The following RUNX2 variants were observed in gnomAD, a reference collection of about 807,000 sequenced individuals.
RUNX2 encodes runt-related transcription factor 2.
In RUNX2, 10 loss-of-function variants were observed where a neutral mutation model predicts 51.7. The observed-to-expected ratio is 0.19, with a 90% confidence interval of 0.12 to 0.33. The LOEUF (loss-of-function observed/expected upper bound fraction) is 0.33, where lower values mean the gene tolerates loss of function less well. Ranked by LOEUF, RUNX2 falls within the 10% of genes least tolerant of loss-of-function variation. The pLI is 1.00. For synonymous variants in RUNX2, 276 were observed against 273.6 expected (o/e 1.01, Z -0.09); for missense variants, 562 against 691.3 (o/e 0.81, Z 2.10).
chr6:45,506,710 C>T (rs1487882356), intron 6 of RUNX2, among the ~76,000 whole-genome samples: 1 of 152,140 alleles, frequency 6.6e-6, no homozygotes, highest in African/African-American at 2.4e-5. Context: ...GGCTGGAGTA[C>T]AGTGGCGTGA....
At chr6:45,361,275 A>T (rs1794208268) in intron 2 of RUNX2, among the ~76,000 whole-genome samples, 1 of 152,172 alleles carries the variant, frequency 6.6e-6, no homozygotes, top group Non-Finnish European at 1.5e-5. Flanking sequence ...AGTAACATGT[A>T]AACAAGATTT....
Position 45,398,224 on chromosome 6 carries a change from T to C in RUNX2, c.59-24369T>C, listed in dbSNP as rs79771744. Among the ~76,000 whole-genome samples the C allele has an allele frequency of 3.3e-5, 5 of 152,320 alleles. 1 individual carries two copies. The East Asian group carries it at 9.6e-4, about 29-fold the overall frequency. On this transcript the variant is annotated intron_variant, in intron 2 of 8. Coordinates refer to ENST00000647337, the MANE Select transcript of RUNX2 (RefSeq NM_001024630.4). ...GGCCCCGGGTTCCTCACCTATTAAC[T>C]GTACTTGCTGCCTAGAGTTGTAGTG...
chr6:45,449,516 G>A (rs1799098008), intron 5 of RUNX2, among the ~76,000 whole-genome samples: 1 of 152,200 alleles, frequency 6.6e-6, no homozygotes, highest in African/African-American at 2.4e-5. Flanking sequence ...TATAGAGACA[G>A]GCAAGGATTC....
intron 2 of RUNX2, among the ~76,000 whole-genome samples, chr6:45,356,977 ACT>A (rs978334569): frequency 1.3e-5 from 2 of 151,484 alleles, no homozygotes; most frequent in Non-Finnish European, 2.9e-5. Context: ...ACTACTAACC[ACT>A]CTCTGATATA....
intron 2 of RUNX2, among the ~76,000 whole-genome samples, chr6:45,364,782 CT>C (rs1281054510): frequency 6.6e-6 from 1 of 152,094 alleles, no homozygotes; most frequent in Non-Finnish European, 1.5e-5. Context: ...TTAAATTAGG[CT>C]TACTGAATTA....
chr6:45,510,173 T>A (rs145693437), intron 6 of RUNX2, among the ~76,000 whole-genome samples: 3 of 152,344 alleles, frequency 2.0e-5, no homozygotes, highest in African/African-American at 7.2e-5. Flanking sequence ...TTTGAAATGT[T>A]GCCAATCTCT....
chr6:45,389,019 A>G (rs1053165124), intron 2 of RUNX2, among the ~76,000 whole-genome samples: 4 of 152,260 alleles, frequency 2.6e-5, no homozygotes, highest in Non-Finnish European at 5.9e-5. Flanking sequence ...GAAGGAATTT[A>G]TGAACTGAAT....
intron 7 of RUNX2, among the ~76,000 whole-genome samples, chr6:45,513,900 G>A (rs115813402): frequency 2.3e-3 from 353 of 152,322 alleles, no homozygotes; most frequent in African/African-American, 8.0e-3. Flanking sequence ...GAAGGCTGAT[G>A]CGGGATTAAA....
Position 45,357,004 on chromosome 6 carries a change from G to A in RUNX2, c.58+28220G>A, listed in dbSNP as rs925557918. Among the ~76,000 whole-genome samples the A allele has an allele frequency of 3.3e-5, 5 of 151,908 alleles. No homozygotes were observed. The South Asian group carries it at 8.3e-4, about 25-fold the overall frequency. ...TCTCTGATATATTTTTAGTAATGAA[G>A]AATCCATTTTTTTCTTTTCTGAGAC... On this transcript the variant is annotated intron_variant, in intron 2 of 8. Coordinates refer to ENST00000647337, the MANE Select transcript of RUNX2 (RefSeq NM_001024630.4).
At position 45,435,857 on chromosome 6, in the gene RUNX2, T is replaced by C. The variant is rs1294096665; in HGVS notation, c.581-2090T>C. On this transcript the variant is annotated intron_variant, in intron 4 of 8. Transcript: ENST00000647337. ...GCACTTTAAAATGTTTTAGTGTAAATTAACTTTCAATCTAGAGATTCAGCT... is the reference window on the plus strand; with the variant it reads ...GCACTTTAAAATGTTTTAGTGTAAACTAACTTTCAATCTAGAGATTCAGCT... Among the ~76,000 whole-genome samples the C allele has an allele frequency of 2.0e-5, 3 of 152,346 alleles. No individual in the cohort carries two copies. The East Asian group carries it at 5.8e-4, about 29-fold the overall frequency.
At chr6:45,348,051 G>A (rs1179362109) in intron 2 of RUNX2, among the ~76,000 whole-genome samples, 2 of 152,020 alleles carry the variant, frequency 1.3e-5, no homozygotes, top group Non-Finnish European at 2.9e-5. Context: ...ATGTGGATAT[G>A]TGTATGTATC....
At chr6:45,452,207 C>G (rs1409061475) in intron 5 of RUNX2, among the ~76,000 whole-genome samples, 1 of 152,212 alleles carries the variant, frequency 6.6e-6, no homozygotes, top group African/African-American at 2.4e-5. Flanking sequence ...AAAAACATTT[C>G]CAGGTGACAC....
chr6:45,373,345 C>T (rs1796348082), intron 2 of RUNX2, among the ~76,000 whole-genome samples: 1 of 152,042 alleles, frequency 6.6e-6, no homozygotes, highest in Non-Finnish European at 1.5e-5. Context: ...CCTCACAGAC[C>T]AATTCTAGAA....
At chr6:45,443,426 G>C (rs571649202) in intron 5 of RUNX2, among the ~76,000 whole-genome samples, 1 of 152,252 alleles carries the variant, frequency 6.6e-6, no homozygotes, top group Admixed American at 6.5e-5. Flanking sequence ...GTTGAAGCAA[G>C]ACACAGGTGC....
At chr6:45,491,821 A>G in intron 5 of RUNX2, 120 bp from the exon 6 acceptor site, 1 of 1,029,554 alleles carries the variant, frequency 9.7e-7, no homozygotes, top group Non-Finnish European at 1.5e-6. Flanking sequence ...AGTCATTATA[A>G]ATATTAATAT....
chr6:45,354,457 T>C (rs779691756), intron 2 of RUNX2, among the ~76,000 whole-genome samples: 27 of 152,152 alleles, frequency 1.8e-4, no homozygotes, highest in Non-Finnish European at 3.1e-4. Flanking sequence ...AAAGGAATCA[T>C]AGATGCTTTT....
intron 5 of RUNX2, among the ~76,000 whole-genome samples, chr6:45,449,570 G>T (rs1799100102): frequency 6.6e-6 from 1 of 152,218 alleles, no homozygotes; most frequent in African/African-American, 2.4e-5. Context: ...TCAAGTCTGT[G>T]TAAGTGTTGG....
At chr6:45,458,228 T>C (rs1168984119) in intron 5 of RUNX2, among the ~76,000 whole-genome samples, 6 of 152,242 alleles carry the variant, frequency 3.9e-5, no homozygotes, top group African/African-American at 1.2e-4. Context: ...GGTTTCCCCA[T>C]GTTGGTCAGG....
chr6:45,516,240 G>A (rs907642449), intron 7 of RUNX2, among the ~76,000 whole-genome samples: 3 of 152,118 alleles, frequency 2.0e-5, no homozygotes, highest in East Asian at 3.8e-4. Flanking sequence ...AATACTAGAC[G>A]TCTTCAAGTT....
Sources: gnomAD v4.1 joint callset for allele counts (sites outside exome capture counted in the v4.1 genomes callset) on GRCh38, gnomAD v4.1.1 for gene constraint, MANE v1.5 for transcripts, NCBI Gene and HGNC (gene_info 2026-07-23, HGNC 2026-07-21) for gene names.